The following EEPD1 variants were observed in gnomAD, a reference collection of about 807,000 sequenced individuals.
EEPD1 encodes endonuclease/exonuclease/phosphatase family domain containing 1, also known as endonuclease/exonuclease/phosphatase family domain-containing protein 1.
A neutral mutation model predicts 46.3 loss-of-function variants in EEPD1; 17 were observed. The observed-to-expected ratio is 0.37, with a 90% confidence interval of 0.25 to 0.55. EEPD1 has a LOEUF of 0.55. Ranked by LOEUF, EEPD1 falls within the 20% of genes least tolerant of loss-of-function variation. EEPD1 has a pLI of 0.83. For missense variants in EEPD1, 673 were observed against 745.6 expected (o/e 0.90, Z 1.13); for synonymous variants, 313 against 315.6 (o/e 0.99, Z 0.09).
intron 2 of EEPD1, among the ~76,000 whole-genome samples, chr7:36,201,571 C>T (rs756798183): frequency 6.6e-6 from 1 of 152,094 alleles, no homozygotes; most frequent in African/African-American, 2.4e-5. Flanking sequence ...ATGAACTGCC[C>T]GCCTCCTGGT....
intron 2 of EEPD1, among the ~76,000 whole-genome samples, chr7:36,212,220 A>G (rs1785948258): frequency 1.3e-5 from 2 of 152,186 alleles, no homozygotes; most frequent in South Asian, 4.1e-4. Flanking sequence ...GTTTTCCTCT[A>G]TGAAGTAACC....
At chr7:36,263,334 G>A (rs1187738324) in intron 3 of EEPD1, among the ~76,000 whole-genome samples, 1 of 152,086 alleles carries the variant, frequency 6.6e-6, no homozygotes, top group Non-Finnish European at 1.5e-5. Context: ...CTGTCTCAAG[G>A]GAGGGGGGGG....
At chr7:36,196,346 C>T (rs1785584060) in intron 2 of EEPD1, among the ~76,000 whole-genome samples, 2 of 151,994 alleles carry the variant, frequency 1.3e-5, no homozygotes, top group Admixed American at 1.3e-4. Context: ...ACGACAACAT[C>T]ACTAGGCAAT....
chr7:36,262,960 G>A (rs1031198053), intron 3 of EEPD1, among the ~76,000 whole-genome samples: 1 of 152,134 alleles, frequency 6.6e-6, no homozygotes, highest in Non-Finnish European at 1.5e-5. Flanking sequence ...ATGGGGTAGG[G>A]GAGGGCTCTC....
chr7:36,172,810 A>C (rs1048154810), intron 2 of EEPD1, among the ~76,000 whole-genome samples: 1 of 8,146 alleles, frequency 1.2e-4, no homozygotes, highest in Non-Finnish European at 1.0e-3. Flanking sequence ...ACCAAACCCA[A>C]AAAAAAGGAT....
At chr7:36,224,765 A>G (rs1274547760) in intron 2 of EEPD1, among the ~76,000 whole-genome samples, 3 of 152,226 alleles carry the variant, frequency 2.0e-5, no homozygotes, top group Non-Finnish European at 4.4e-5. Context: ...ATGTATAGTA[A>G]ACTGAATAAT....
intron 2 of EEPD1, among the ~76,000 whole-genome samples, chr7:36,195,278 C>T (rs1461706269): frequency 6.6e-6 from 1 of 152,316 alleles, no homozygotes; most frequent in East Asian, 1.9e-4. Flanking sequence ...CATGAGGCGA[C>T]TCCTGCCTCC....
At chr7:36,246,938 C>T (rs1330890082) in intron 3 of EEPD1, among the ~76,000 whole-genome samples, 3 of 151,920 alleles carry the variant, frequency 2.0e-5, no homozygotes, top group Non-Finnish European at 4.4e-5. Flanking sequence ...CCAGCCTGGC[C>T]GATATGGTGA....
At chr7:36,284,589 G>A in intron 4 of EEPD1, 97 bp from the exon 5 acceptor site, 2 of 1,450,602 alleles carry the variant, frequency 1.4e-6, no homozygotes, top group Non-Finnish European at 1.9e-6. Context: ...GCCAGAGTAG[G>A]GCCTACTGCC....
chr7:36,171,113 G>A (rs1785073537), intron 2 of EEPD1, among the ~76,000 whole-genome samples: 1 of 152,074 alleles, frequency 6.6e-6, no homozygotes, highest in Non-Finnish European at 1.5e-5. Flanking sequence ...TGTAGAGAGG[G>A]AGCCTCATTA....
intron 2 of EEPD1, among the ~76,000 whole-genome samples, chr7:36,230,018 T>TC (rs1786295629): frequency 6.6e-6 from 1 of 152,034 alleles, no homozygotes; most frequent in Non-Finnish European, 1.5e-5. Context: ...CCCCAGTGTA[T>TC]CCAAGACCAG....
At chr7:36,188,531 T>C (rs1473322960) in intron 2 of EEPD1, among the ~76,000 whole-genome samples, 1 of 152,150 alleles carries the variant, frequency 6.6e-6, no homozygotes, top group Non-Finnish European at 1.5e-5. Context: ...CCAACGGAGA[T>C]ACACAGGCTG....
chr7:36,170,665 A>G (rs553975830), intron 2 of EEPD1, among the ~76,000 whole-genome samples: 140 of 150,346 alleles, frequency 9.3e-4, no homozygotes, highest in Non-Finnish European at 3.8e-4. Context: ...TATTACATAT[A>G]TGCCCTTAGA....
chr7:36,173,929 C>G (rs2392429), intron 2 of EEPD1, among the ~76,000 whole-genome samples: 72,399 of 152,120 alleles, frequency 0.48, 18,697 homozygotes, highest in East Asian at 0.72. Context: ...CAGCTAGGGT[C>G]TGGGCCCTAC....
chr7:36,271,871 ATTCTATTCTATTGTATTCTATTCTATT>A (rs1787110391), intron 3 of EEPD1, among the ~76,000 whole-genome samples: 1 of 19,362 alleles, frequency 5.2e-5, no homozygotes, highest in African/African-American at 1.2e-4. Context: ...ATTCTATTCT[ATTCTATTCTATTGTATTCTATTCTATT>A]CGAGACAGAG....
chr7:36,281,141 C>A lies in EEPD1; in HGVS notation c.957C>A (p.Thr319=). Residue 319 remains threonine, a synonymous_variant, in exon 4 of 8, where the codon ACC becomes ACA. Coordinates refer to ENST00000242108, the MANE Select transcript of EEPD1 (RefSeq NM_030636.3). ...TCTGCACGGAGCTAAACCAGCCGAC[C>A]CTGCCCAACATCCGCAAGTGGAAGG... ...EKFCTELNQP[T]LPNIRKWKGP... 9 of 1,614,158 alleles carry A rather than the reference C, an allele frequency of 5.6e-6. No individual in the cohort carries two copies. The highest frequency in any genetic ancestry group is 7.6e-6 in the Non-Finnish European group (9 of 1,180,040).
chr7:36,296,694 C>CTTTTTTTT (rs60706978), intron 6 of EEPD1, among the ~76,000 whole-genome samples: 7 of 83,134 alleles, frequency 8.4e-5, no homozygotes, highest in African/African-American at 1.4e-4. Context: ...ACCCTTAGGT[C>CTTTTTTTT]TTTTTTTTTT....
chr7:36,234,077 C>A (rs1004715391), intron 2 of EEPD1, among the ~76,000 whole-genome samples: 6 of 152,060 alleles, frequency 3.9e-5, no homozygotes, highest in Non-Finnish European at 5.9e-5. Flanking sequence ...GCCACCATGC[C>A]TGGGCTAATT....
chr7:36,244,334 A>G (rs192576012), intron 3 of EEPD1, among the ~76,000 whole-genome samples: 36 of 152,304 alleles, frequency 2.4e-4, no homozygotes, highest in African/African-American at 6.7e-4. Flanking sequence ...AAGTACTGGT[A>G]GATTAAATTT....
Sources: allele counts gnomAD v4.1 joint callset (sites outside exome capture counted in the v4.1 genomes callset), GRCh38; gene constraint gnomAD v4.1.1; transcripts MANE v1.5; gene names NCBI Gene and HGNC (gene_info 2026-07-23, HGNC 2026-07-21).